NFIB: variants seen among roughly 807,000 people sequenced by gnomAD.
NFIB encodes the protein nuclear factor 1 B-type.
A neutral mutation model predicts 61.5 loss-of-function variants in NFIB; 11 were observed. That is an observed-to-expected ratio of 0.18 (90% CI 0.11 to 0.30). The LOEUF (loss-of-function observed/expected upper bound fraction) is 0.30. NFIB is among the 10% of genes least tolerant of loss of function. NFIB has a pLI of 1.00. For missense variants in NFIB, 471 were observed against 608.9 expected, an observed-to-expected ratio of 0.77 and a Z score of 2.38; for synonymous variants, 260 against 216.5, an observed-to-expected ratio of 1.20 and a Z score of -1.76.
intron 10 of NFIB, among the ~76,000 whole-genome samples, chr9:14,097,269 T>C (rs1245317236): frequency 6.6e-6 from 1 of 152,204 alleles, no homozygotes; most frequent in Non-Finnish European, 1.5e-5. Context: ...GAACCAAAGA[T>C]TCTTCCATTC....
At chr9:14,272,225 A>G (rs2057676732) in intron 2 of NFIB, among the ~76,000 whole-genome samples, 2 of 152,210 alleles carry the variant, frequency 1.3e-5, no homozygotes, top group African/African-American at 4.8e-5. Context: ...ACTTGCAACT[A>G]TAGCATACAT....
intron 1 of NFIB, among the ~76,000 whole-genome samples, chr9:14,331,247 A>G (rs1041758429): frequency 6.6e-6 from 1 of 152,144 alleles, no homozygotes. Flanking sequence ...TGAGTAACCA[A>G]TTGAAGGTCA....
intron 2 of NFIB, among the ~76,000 whole-genome samples, chr9:14,200,716 T>C (rs914611972): frequency 2.8e-4 from 42 of 152,184 alleles, no homozygotes; most frequent in African/African-American, 1.0e-3. Context: ...TGGTCCCTTA[T>C]ATGTTGGTGA....
chr9:14,389,251 T>C (rs992136801), intron 1 of NFIB, among the ~76,000 whole-genome samples: 2 of 152,192 alleles, frequency 1.3e-5, no homozygotes, highest in African/African-American at 4.8e-5. Context: ...GTGCTCATGA[T>C]TCTTTTGTTT....
At chr9:14,508,981 G>C in the NFIB span, among the ~76,000 whole-genome samples, 1 of 152,296 alleles carries the variant, frequency 6.6e-6, no homozygotes, top group South Asian at 2.1e-4. Context: ...AGAGCAATGA[G>C]AATGAAGGTG....
chr9:14,283,623 G>A (rs911995064), intron 2 of NFIB, among the ~76,000 whole-genome samples: 1 of 152,198 alleles, frequency 6.6e-6, no homozygotes, highest in Admixed American at 6.5e-5. Context: ...GATTTGGCCT[G>A]AGCCATCACT....
intron 1 of NFIB, among the ~76,000 whole-genome samples, chr9:14,352,548 C>G (rs770419094): frequency 1.3e-5 from 2 of 152,222 alleles, no homozygotes; most frequent in Admixed American, 1.3e-4. Flanking sequence ...TGTATGTAAT[C>G]TGATGATCTT....
chr9:14,314,499 T>C (rs1021417525), upstream of NFIB: 2 of 152,220 alleles, frequency 1.3e-5, no homozygotes, highest in African/African-American at 4.8e-5. Context: ...AGGCTCTTTT[T>C]TTTCCCTCCC....
chr9:14,470,800 A>G, the NFIB span, among the ~76,000 whole-genome samples: 1 of 152,168 alleles, frequency 6.6e-6, no homozygotes, highest in African/African-American at 2.4e-5. Flanking sequence ...GGGGAACGGA[A>G]CCCAGACTCT....
intron 2 of NFIB, among the ~76,000 whole-genome samples, chr9:14,254,303 AAAACAAAAC>A (rs931059217): frequency 1.6e-4 from 23 of 142,778 alleles, no homozygotes; most frequent in African/African-American, 2.9e-4. Context: ...TGTCTCAAAA[AAAACAAAAC>A]AAAACAAAAC....
chr9:14,105,035 G>C (rs768049880), intron 10 of NFIB, among the ~76,000 whole-genome samples: 1 of 152,094 alleles, frequency 6.6e-6, no homozygotes, highest in Non-Finnish European at 1.5e-5. Flanking sequence ...CTCCTCAGAA[G>C]GATGTGTTGT....
the NFIB span, among the ~76,000 whole-genome samples, chr9:14,422,523 G>A: frequency 6.6e-6 from 1 of 152,162 alleles, no homozygotes; most frequent in African/African-American, 2.4e-5. Flanking sequence ...CACGTGATAA[G>A]CATCTAGCTT....
chr9:14,439,653 T>A, the NFIB span, among the ~76,000 whole-genome samples: 3 of 152,014 alleles, frequency 2.0e-5, no homozygotes, highest in Non-Finnish European at 4.4e-5. Context: ...AGAAGTGGCC[T>A]GAGGTTGAGG....
At position 14,346,294 on chromosome 9, in the gene NFIB, C is replaced by G. The variant is rs918572996; in HGVS notation, c.109-38774G>C. On this transcript the variant is annotated intron_variant, in intron 1 of 8. Coordinates refer to the NFIB transcript ENST00000380934. ...CAGTCACACGAGGTAACCGACACCC[C>G]CCCCCCGTAACCTGAGCTAAAGGTA... Among the ~76,000 whole-genome samples the G allele has an allele frequency of 8.0e-5, 11 of 137,826 alleles. 1 individual carries two copies. Among genetic ancestry groups the G allele is most frequent in the Non-Finnish European group, 1.1e-4 (7 of 61,124 alleles). The allele number at this position is 137,826 out of a possible 152,430, so 90.4% of individuals were successfully genotyped here. A position where few individuals can be genotyped will look rare whatever the true frequency, so the allele number is the denominator to read the frequency against.
intron 3 of NFIB, among the ~76,000 whole-genome samples, chr9:14,159,472 G>T (rs2131256140): frequency 1.3e-5 from 2 of 152,124 alleles, no homozygotes; most frequent in East Asian, 3.9e-4. Context: ...GAGTGATGAT[G>T]CCTATTAACC....
At chr9:14,398,918 A>G in exon 1 of NFIB, 1 of 327,482 alleles carries the variant, frequency 3.1e-6, no homozygotes, top group Non-Finnish European at 5.5e-6. Flanking sequence ...GTGTCAGCTC[A>G]ACAGTGATAT....
chr9:14,294,796 C>T (rs2059319622), intron 2 of NFIB, among the ~76,000 whole-genome samples: 1 of 152,162 alleles, frequency 6.6e-6, no homozygotes, highest in African/African-American at 2.4e-5. Flanking sequence ...GAATATGATG[C>T]CTTTTTACCC....
chr9:14,481,189 GTGTGTGTGTATATATATA>G, the NFIB span, among the ~76,000 whole-genome samples: 19 of 37,872 alleles, frequency 5.0e-4, no homozygotes, highest in African/African-American at 2.5e-3. Context: ...GTGTGTGTGT[GTGTGTGTGTATATATATA>G]TATATATATA....
At chr9:14,248,023 C>G (rs2055133195) in intron 2 of NFIB, among the ~76,000 whole-genome samples, 1 of 150,990 alleles carries the variant, frequency 6.6e-6, no homozygotes, top group African/African-American at 2.4e-5. Flanking sequence ...ACTCTGAACT[C>G]CTGGACTCAA....
Sources: gnomAD v4.1 joint callset for allele counts (sites outside exome capture counted in the v4.1 genomes callset) on GRCh38, gnomAD v4.1.1 for gene constraint, MANE v1.5 for transcripts, NCBI Gene and HGNC (gene_info 2026-07-23, HGNC 2026-07-21) for gene names.